The following UBE2H variants were observed in gnomAD, a reference collection of about 807,000 sequenced individuals.
The protein encoded by UBE2H is ubiquitin conjugating enzyme E2 H.
UBE2H carries 3 observed loss-of-function variants against 29.0 expected under a neutral mutation model. The ratio of observed to expected loss-of-function variants is 0.10; its 90% CI spans 0.05 to 0.27. The LOEUF is 0.27. UBE2H is among the 10% of genes least tolerant of loss of function. The pLI is 1.00. For synonymous variants in UBE2H, 69 were observed against 82.9 expected, an observed-to-expected ratio of 0.83 and a Z score of 0.91; for missense variants, 68 against 228.2, an observed-to-expected ratio of 0.30 and a Z score of 4.52.
At chr7:129,842,997 ATTTTTTTTTT>A (rs1214247554) in intron 5 of UBE2H, among the ~76,000 whole-genome samples, 1 of 139,564 alleles carries the variant, frequency 7.2e-6, no homozygotes, top group African/African-American at 2.7e-5. Flanking sequence ...ATTAACAGTA[ATTTTTTTTTT>A]TTTTTTTTTT....
Position 129,938,605 on chromosome 7 carries a change from C to G in UBE2H, c.53+13898G>C, listed in dbSNP as rs1204870864. Among the ~76,000 whole-genome samples the G allele has an allele frequency of 2.7e-4, 4 of 14,622 alleles. No homozygotes were observed. In the Admixed American group the frequency reaches 6.0e-3, roughly 22 times the overall value. 9.6% of individuals were successfully genotyped at this position (14,622 alleles called of 152,430 possible). On this transcript the variant is annotated intron_variant, in intron 1 of 6. Coordinates refer to ENST00000355621, the MANE Select transcript of UBE2H (RefSeq NM_003344.4). ...GCACATGCCTGTAATCCCAGCTACT[C>G]GATAGGCTGAGAATTGTTTGAACCC...
At chr7:129,930,149 C>T (rs10243840) in intron 1 of UBE2H, among the ~76,000 whole-genome samples, 5,610 of 152,260 alleles carry the variant, frequency 0.037, 354 homozygotes, top group African/African-American at 0.13. Flanking sequence ...ACTCTGGTCT[C>T]AGCACGCTTT....
chr7:129,912,253 A>G (rs1806952068), intron 1 of UBE2H, among the ~76,000 whole-genome samples: 1 of 152,218 alleles, frequency 6.6e-6, no homozygotes, highest in Non-Finnish European at 1.5e-5. Flanking sequence ...CACAAAGCCT[A>G]AAATATTTAC....
At chr7:129,902,487 G>A (rs1806736666) in intron 1 of UBE2H, among the ~76,000 whole-genome samples, 2 of 152,112 alleles carry the variant, frequency 1.3e-5, no homozygotes, top group Non-Finnish European at 2.9e-5. Context: ...GCGACAGAGC[G>A]AGACTCCATC....
At chr7:129,948,268 G>A (rs958776445) in intron 1 of UBE2H, among the ~76,000 whole-genome samples, 4 of 151,758 alleles carry the variant, frequency 2.6e-5, no homozygotes, top group Admixed American at 1.3e-4. Flanking sequence ...TGATCCTCCC[G>A]CCTCAGCCTC....
intron 5 of UBE2H, among the ~76,000 whole-genome samples, chr7:129,849,254 G>C (rs1805566139): frequency 6.6e-6 from 1 of 152,156 alleles, no homozygotes; most frequent in Non-Finnish European, 1.5e-5. Context: ...CAAAGAAACA[G>C]TTTTGAGATT....
chr7:129,890,981 A>G (rs1806471569), intron 1 of UBE2H, among the ~76,000 whole-genome samples: 1 of 151,540 alleles, frequency 6.6e-6, no homozygotes, highest in Non-Finnish European at 1.5e-5. Context: ...AAAAATACAA[A>G]ACAAATTAGC....
At chr7:129,871,117 G>A (rs954205192) in intron 3 of UBE2H, among the ~76,000 whole-genome samples, 21 of 151,978 alleles carry the variant, frequency 1.4e-4, no homozygotes, top group Admixed American at 7.9e-4. Flanking sequence ...CTTTATCTTC[G>A]CACTCCAAAA....
chr7:129,847,997 C>T (rs1805542007), intron 5 of UBE2H, among the ~76,000 whole-genome samples: 1 of 152,186 alleles, frequency 6.6e-6, no homozygotes, highest in African/African-American at 2.4e-5. Flanking sequence ...ATCAGGGCAG[C>T]CATCTACTAA....
chr7:129,901,441 T>A (rs954408612), intron 1 of UBE2H, among the ~76,000 whole-genome samples: 4 of 152,126 alleles, frequency 2.6e-5, no homozygotes, highest in African/African-American at 9.7e-5. Context: ...GCTGGTGGGA[T>A]AGAGGTCGGT....
intron 1 of UBE2H, among the ~76,000 whole-genome samples, chr7:129,886,588 G>A (rs1282935041): frequency 1.3e-5 from 2 of 151,982 alleles, no homozygotes; most frequent in Non-Finnish European, 2.9e-5. Context: ...CCCTCCCTGA[G>A]CTGTGTGGAA....
chr7:129,886,499 A>G (rs1033873391), intron 1 of UBE2H, among the ~76,000 whole-genome samples: 1 of 152,198 alleles, frequency 6.6e-6, no homozygotes, highest in African/African-American at 2.4e-5. Context: ...AGGACTGACA[A>G]TAACAGGTCA....
intron 6 of UBE2H, among the ~76,000 whole-genome samples, chr7:129,837,509 A>C (rs1805352606): frequency 6.6e-6 from 1 of 152,050 alleles, no homozygotes; most frequent in Admixed American, 6.6e-5. Flanking sequence ...TGAAAATGAA[A>C]AGGAATAAAC....
intron 1 of UBE2H, among the ~76,000 whole-genome samples, chr7:129,927,320 T>A (rs1050452400): frequency 1.3e-5 from 2 of 152,034 alleles, no homozygotes; most frequent in Non-Finnish European, 2.9e-5. Flanking sequence ...GGGGGGTGGA[T>A]CACAAGGTCA....
At chr7:129,933,171 T>C (rs1807444237) in intron 1 of UBE2H, among the ~76,000 whole-genome samples, 1 of 152,212 alleles carries the variant, frequency 6.6e-6, no homozygotes, top group African/African-American at 2.4e-5. Flanking sequence ...CCACATACTT[T>C]TATGGAAGGT....
chr7:129,902,346 A>G (rs1563040437), intron 1 of UBE2H, among the ~76,000 whole-genome samples: 2 of 152,146 alleles, frequency 1.3e-5, no homozygotes. Context: ...TAAAAATACA[A>G]AAAAATTAGC....
At chr7:129,910,867 G>A (rs1428239725) in intron 1 of UBE2H, among the ~76,000 whole-genome samples, 1 of 152,080 alleles carries the variant, frequency 6.6e-6, no homozygotes, top group African/African-American at 2.4e-5. Flanking sequence ...GGGTGACAGA[G>A]TAAGATTCCA....
At chr7:129,856,093 C>T (rs999354648) in intron 5 of UBE2H, among the ~76,000 whole-genome samples, 9 of 152,006 alleles carry the variant, frequency 5.9e-5, no homozygotes, top group Admixed American at 1.3e-4. Context: ...AATTTTTGAA[C>T]GGCACAATCA....
intron 5 of UBE2H, among the ~76,000 whole-genome samples, chr7:129,854,070 T>TTTTTTTTATTTTTTTTTATTA: frequency 6.7e-6 from 1 of 149,542 alleles, no homozygotes; most frequent in Non-Finnish European, 1.5e-5. Flanking sequence ...GTTTTTTTTT[T>TTTTTTTTATTTTTTTTTATTA]TTTTTTTTTT....
Sources: gnomAD v4.1 joint callset for allele counts (sites outside exome capture counted in the v4.1 genomes callset) on GRCh38, gnomAD v4.1.1 for gene constraint, MANE v1.5 for transcripts, NCBI Gene and HGNC (gene_info 2026-07-23, HGNC 2026-07-21) for gene names.